ELMO1: variants seen among roughly 807,000 people sequenced by gnomAD.
The protein encoded by ELMO1 is engulfment and cell motility protein 1.
ELMO1 carries 26 observed loss-of-function variants against 98.9 expected under a neutral mutation model. That is an observed-to-expected ratio of 0.26 (90% CI 0.19 to 0.36). ELMO1 has a LOEUF of 0.36. Ranked by LOEUF, ELMO1 falls within the 10% of genes least tolerant of loss-of-function variation. The probability of loss-of-function intolerance (pLI) is 1.00; values close to 1 mark genes in which losing one functional copy is unlikely to be tolerated. For synonymous variants in ELMO1, 346 were observed against 346.0 expected, an observed-to-expected ratio of 1.00 and a Z score of 0.00; for missense variants, 627 against 935.2, an observed-to-expected ratio of 0.67 and a Z score of 4.30.
At chr7:36,899,040 G>A (rs1806277665) in intron 16 of ELMO1, among the ~76,000 whole-genome samples, 1 of 152,208 alleles carries the variant, frequency 6.6e-6, no homozygotes, top group Non-Finnish European at 1.5e-5. Flanking sequence ...GCCATTCTTG[G>A]TGACAGCAGC....
intron 6 of ELMO1, among the ~76,000 whole-genome samples, chr7:37,257,000 A>G (rs1415349211): frequency 2.0e-5 from 3 of 152,190 alleles, no homozygotes; most frequent in Non-Finnish European, 4.4e-5. Flanking sequence ...TATGCAATTA[A>G]TTGATTCAGC....
chr7:36,984,906 T>C (rs1791383481), intron 16 of ELMO1: 36 of 985,244 alleles, frequency 3.7e-5, no homozygotes, highest in Non-Finnish European at 4.2e-5. Context: ...CCCAAGCCAA[T>C]GGCATTACCT....
chr7:37,040,735 G>A (rs1252594205), intron 15 of ELMO1, among the ~76,000 whole-genome samples: 1 of 152,150 alleles, frequency 6.6e-6, no homozygotes, highest in African/African-American at 2.4e-5. Flanking sequence ...GGTATAAGCA[G>A]CAAATGTGCC....
At chr7:37,318,881 T>C (rs555312666) in intron 2 of ELMO1, among the ~76,000 whole-genome samples, 5 of 152,262 alleles carry the variant, frequency 3.3e-5, no homozygotes, top group African/African-American at 1.2e-4. Flanking sequence ...ACTACTTCCT[T>C]CTTTTTGAAA....
intron 15 of ELMO1, among the ~76,000 whole-genome samples, chr7:37,094,337 C>T (rs575165278): frequency 1.3e-5 from 2 of 152,212 alleles, no homozygotes; most frequent in South Asian, 2.1e-4. Context: ...CAGGGACCTG[C>T]GAGGTGTTTG....
intron 13 of ELMO1, among the ~76,000 whole-genome samples, chr7:37,141,622 AAAGTT>A (rs1294390165): frequency 7.2e-5 from 11 of 152,224 alleles, no homozygotes; most frequent in African/African-American, 2.7e-4. Context: ...ATGAAAAAGA[AAAGTT>A]AAAGAGGTAT....
intron 16 of ELMO1, among the ~76,000 whole-genome samples, chr7:37,012,267 T>G (rs577774128): frequency 6.6e-6 from 1 of 152,190 alleles, no homozygotes. Flanking sequence ...ATGAGAAATA[T>G]AGTGGGAAAC....
chr7:37,232,427 T>A (rs1185424422), intron 8 of ELMO1, among the ~76,000 whole-genome samples: 1 of 152,174 alleles, frequency 6.6e-6, no homozygotes, highest in Non-Finnish European at 1.5e-5. Context: ...AGTGACAAGA[T>A]CAAGACTGTT....
rs1795090078 is a variant in ELMO1, at chr7:37,247,785, C to T, written c.414-3394G>A. On this transcript the variant is annotated intron_variant, in intron 6 of 21. Transcript: ENST00000310758. ...GAGCTAGATTCTTTCCATTAAAGGA[C>T]AGAGCTGGGACAACAGGTGAAACTT... Among the ~76,000 whole-genome samples the T allele has an allele frequency of 2.0e-5, 3 of 152,042 alleles. No individual in the cohort carries two copies. In the South Asian group the frequency reaches 6.2e-4, roughly 31 times the overall value.
intron 13 of ELMO1, among the ~76,000 whole-genome samples, chr7:37,158,033 T>C (rs1468090636): frequency 2.0e-5 from 3 of 152,174 alleles, no homozygotes; most frequent in African/African-American, 2.4e-5. Flanking sequence ...TTGACAAACC[T>C]GACAAAAACA....
intron 15 of ELMO1, among the ~76,000 whole-genome samples, chr7:37,034,151 C>G (rs1795046160): frequency 6.6e-6 from 1 of 152,080 alleles, no homozygotes; most frequent in Non-Finnish European, 1.5e-5. Flanking sequence ...AAGTCCTAAC[C>G]CCAGTACCTC....
At chr7:37,316,711 A>G (rs917681113) in intron 2 of ELMO1, among the ~76,000 whole-genome samples, 2 of 152,210 alleles carry the variant, frequency 1.3e-5, no homozygotes, top group African/African-American at 4.8e-5. Context: ...GTCTGTCTCT[A>G]GGATGGGGAG....
rs1231877775 is a variant in ELMO1 at position 37,188,494 on chromosome 7, A to AT, written c.1086+22891_1086+22892insA. 2.6e-3 allele frequency among the ~76,000 whole-genome samples: 229 copies of AT among 89,618 alleles called. 7 individuals carry two copies. The South Asian group carries it at 0.033, about 13-fold the overall frequency. The allele number at this position is 89,618 out of a possible 152,430, so 58.8% of individuals were successfully genotyped here. ...CAGGCCACTGGAGAAAGGTAAAAAAAAAAAAAAAATAATAATAATAATAAT... is the reference window on the plus strand; with the variant it reads ...CAGGCCACTGGAGAAAGGTAAAAAAATAAAAAAAAATAATAATAATAATAAT... On this transcript the variant is annotated intron_variant, in intron 13 of 21. Transcript: ENST00000310758.
chr7:37,010,809 A>G (rs1422986467), intron 16 of ELMO1, among the ~76,000 whole-genome samples: 1 of 152,256 alleles, frequency 6.6e-6, no homozygotes, highest in Admixed American at 6.5e-5. Flanking sequence ...GCATGACAAA[A>G]ATGTAAATAC....
chr7:37,286,965 C>T (rs1001576721), intron 4 of ELMO1, among the ~76,000 whole-genome samples: 6 of 152,028 alleles, frequency 3.9e-5, no homozygotes, highest in African/African-American at 1.4e-4. Context: ...GAGGTGGAGG[C>T]GGGCAGATCA....
chr7:37,248,909 T>C (rs1490162518), intron 6 of ELMO1, among the ~76,000 whole-genome samples: 1 of 152,226 alleles, frequency 6.6e-6, no homozygotes, highest in Non-Finnish European at 1.5e-5. Flanking sequence ...CAGAAATTCA[T>C]CTTTTGTGTG....
intron 1 of ELMO1, among the ~76,000 whole-genome samples, chr7:37,395,122 A>G (rs1021627642): frequency 3.9e-5 from 6 of 151,994 alleles, no homozygotes; most frequent in Admixed American, 1.3e-4. Flanking sequence ...TCCCAGCACT[A>G]TGGGAGGCCG....
In ELMO1 at chr7:37,101,250, A is replaced by G. The variant is rs553010105; in HGVS notation, c.1192-4523T>C. On this transcript the variant is annotated intron_variant, in intron 14 of 21. Coordinates refer to ENST00000310758, the MANE Select transcript of ELMO1 (RefSeq NM_014800.11). ...TGCTTACACCAAGAATGCAAGATAA[A>G]AAGTCCCATGTGCTGCTGTTTAAGC... is the stretch of plus-strand genomic sequence containing the variant. Among the ~76,000 whole-genome samples, 87 of 152,338 alleles carry G rather than the reference A, an allele frequency of 5.7e-4. 1 individual carries two copies. The highest frequency in any genetic ancestry group is 1.9e-3 in the African/African-American group (80 of 41,580).
At chr7:36,882,741 A>G (rs932940863) in intron 18 of ELMO1, among the ~76,000 whole-genome samples, 3 of 152,308 alleles carry the variant, frequency 2.0e-5, no homozygotes, top group Admixed American at 6.5e-5. Context: ...TATGAGTAAA[A>G]CACACATAAA....
Sources: allele counts gnomAD v4.1 joint callset (sites outside exome capture counted in the v4.1 genomes callset), GRCh38; gene constraint gnomAD v4.1.1; transcripts MANE v1.5; gene names NCBI Gene and HGNC (gene_info 2026-07-23, HGNC 2026-07-21).